The following FAM3C variants were observed in gnomAD, a reference collection of about 807,000 sequenced individuals.
The protein encoded by FAM3C is FAM3 metabolism regulating signaling molecule C, also known as protein FAM3C.
Under a neutral mutation model 32.5 loss-of-function variants are expected in FAM3C, and 15 were observed. The observed-to-expected ratio is 0.46, with a 90% CI of 0.31 to 0.71. The LOEUF (loss-of-function observed/expected upper bound fraction) is 0.71, where lower values mean the gene tolerates loss of function less well. Ranked by LOEUF, FAM3C falls within the 30% of genes least tolerant of loss-of-function variation. The pLI is 0.05. For missense variants in FAM3C, 175 were observed against 274.4 expected (o/e 0.64, Z 2.56); for synonymous variants, 75 against 86.1 (o/e 0.87, Z 0.72).
chr7:121,382,109 A>AGTATGCATTTCTTCTAG (rs1794369044), intron 2 of FAM3C, among the ~76,000 whole-genome samples: 1 of 152,176 alleles, frequency 6.6e-6, no homozygotes, highest in South Asian at 2.1e-4. Flanking sequence ...TTCCATGTAA[A>AGTATGCATTTCTTCTAG]GTATGCATTT....
intron 8 of FAM3C, among the ~76,000 whole-genome samples, chr7:121,359,005 A>G (rs1291321568): frequency 6.6e-6 from 1 of 152,018 alleles, no homozygotes; most frequent in Non-Finnish European, 1.5e-5. Flanking sequence ...CACTTGTGAA[A>G]AAAATCCAAT....
intron 1 of FAM3C, among the ~76,000 whole-genome samples, chr7:121,394,169 A>G (rs1261011977): frequency 6.6e-6 from 1 of 152,218 alleles, no homozygotes; most frequent in African/African-American, 2.4e-5. Context: ...TATTTTTAAG[A>G]GTATAAAAAT....
At chr7:121,381,831 T>C (rs1794363945) in intron 2 of FAM3C, among the ~76,000 whole-genome samples, 1 of 152,216 alleles carries the variant, frequency 6.6e-6, no homozygotes, top group African/African-American at 2.4e-5. Context: ...ATTCAGTTTT[T>C]CAAGTTTCTA....
chr7:121,372,824 A>G (rs1794174387), intron 3 of FAM3C, among the ~76,000 whole-genome samples: 1 of 152,218 alleles, frequency 6.6e-6, no homozygotes, highest in African/African-American at 2.4e-5. Flanking sequence ...ATAAGTATGC[A>G]GTGTGATAAA....
chr7:121,370,490 T>A (rs1232681752), intron 5 of FAM3C, among the ~76,000 whole-genome samples: 1 of 152,178 alleles, frequency 6.6e-6, no homozygotes, highest in African/African-American at 2.4e-5. Context: ...TATTATTTTA[T>A]ATTAAATTTA....
At chr7:121,380,124 A>T (rs1305772350) in intron 2 of FAM3C, 1 of 152,194 alleles carries the variant, frequency 6.6e-6, no homozygotes, top group African/African-American at 2.4e-5. Context: ...TAAGTAGATA[A>T]ATGGTAACAG....
intron 3 of FAM3C, among the ~76,000 whole-genome samples, chr7:121,376,141 C>A (rs1321738990): frequency 6.6e-6 from 1 of 152,200 alleles, no homozygotes; most frequent in East Asian, 1.9e-4. Flanking sequence ...AATAGAAGTA[C>A]ACAGACCAGA....
chr7:121,386,319 G>A (rs1037551161), intron 1 of FAM3C, among the ~76,000 whole-genome samples: 1 of 152,032 alleles, frequency 6.6e-6, no homozygotes, highest in Non-Finnish European at 1.5e-5. Context: ...ACTCAGTGCT[G>A]GACAAATGAC....
At chr7:121,354,900 G>A (rs1793778498) in intron 8 of FAM3C, among the ~76,000 whole-genome samples, 1 of 152,132 alleles carries the variant, frequency 6.6e-6, no homozygotes, top group African/African-American at 2.4e-5. Flanking sequence ...TTCTAAATTA[G>A]TGCTATCATA....
At chr7:121,385,026 A>C (rs1280598880) in intron 1 of FAM3C, among the ~76,000 whole-genome samples, 5 of 152,184 alleles carry the variant, frequency 3.3e-5, no homozygotes, top group Admixed American at 1.3e-4. Flanking sequence ...AACTTAATGG[A>C]AACTTCAGGC....
rs965281851 is a variant in FAM3C at position 121,348,891 on chromosome 7, A to T, written c.*1570T>A. The stretch of plus-strand genomic sequence containing the variant: ...CAAGAGTATTTATTTTCATTATTTT[A>T]AAAAACTGCAACATTTATTTCACAA... On this transcript the variant is annotated 3_prime_UTR_variant, in exon 10 of 10. Transcript: ENST00000359943. 4.9e-4 allele frequency: 75 copies of T among 152,444 alleles called. No individual in the cohort carries two copies. The highest frequency in any genetic ancestry group is 7.9e-4 in the Non-Finnish European group (54 of 67,946). 9.4% of individuals were successfully genotyped at this position (152,444 alleles called of 1,614,324 possible).
intron 3 of FAM3C, 123 bp from the exon 4 acceptor site, chr7:121,372,262 G>T (rs887692486): frequency 2.7e-5 from 16 of 587,188 alleles, no homozygotes; most frequent in Non-Finnish European, 3.7e-5. Flanking sequence ...AATAAAACAT[G>T]AATATCACTT....
At chr7:121,381,691 C>CACACACACAT (rs71170250) in intron 2 of FAM3C, among the ~76,000 whole-genome samples, 3 of 151,396 alleles carry the variant, frequency 2.0e-5, no homozygotes, top group Non-Finnish European at 4.4e-5. Context: ...CACACACACA[C>CACACACACAT]GCATGCAACA....
chr7:121,357,125 T>A (rs1388970318), intron 8 of FAM3C, among the ~76,000 whole-genome samples: 4 of 152,100 alleles, frequency 2.6e-5, no homozygotes, highest in African/African-American at 9.7e-5. Context: ...CTCTGGGAAA[T>A]AATGTGATGG....
intron 5 of FAM3C, 150 bp downstream of exon 5, chr7:121,371,150 T>C: frequency 1.1e-6 from 1 of 903,266 alleles, no homozygotes; most frequent in South Asian, 1.7e-5. Flanking sequence ...GTCCCTTGAA[T>C]TCATGAGAAA....
chr7:121,371,418 T>C lies in FAM3C; in HGVS notation c.154A>G (p.Lys52Glu), dbSNP rs957781500. The C allele has an allele frequency of 3.1e-6, 5 of 1,613,616 alleles. No individual in the cohort carries two copies. The highest frequency in any genetic ancestry group is 2.7e-5 in the African/African-American group (2 of 74,906). ...SALDTAARST[K>E]PPRYKCGISK... ...ATCCCACACTTATATCTGGGAGGCT[T>C]TGTAGCTTTGGGGGAGAAAACATGA... Residue 52 changes from lysine to glutamate, a missense_variant, in exon 5 of 10, where the codon AAG becomes GAG. By Grantham distance (56) the Lys-to-Glu change is moderately conservative (BLOSUM62 1). Transcript: ENST00000359943.
At chr7:121,364,062 G>C (rs1429022279) in intron 6 of FAM3C, 68 bp downstream of exon 6, 6 of 1,010,250 alleles carry the variant, frequency 5.9e-6, no homozygotes, top group Non-Finnish European at 9.5e-6. Context: ...TCCTCTGATA[G>C]TGCATTTTAC....
intron 1 of FAM3C, 128 bp from the exon 2 acceptor site, chr7:121,383,138 G>T: frequency 2.0e-6 from 1 of 504,894 alleles, no homozygotes; most frequent in Non-Finnish European, 3.4e-6. Flanking sequence ...GCCAACATTG[G>T]CATTAAAAAA....
At chr7:121,370,942 T>C (rs1562888034) in intron 5 of FAM3C, among the ~76,000 whole-genome samples, 2 of 152,312 alleles carry the variant, frequency 1.3e-5, no homozygotes, top group South Asian at 4.1e-4. Context: ...GGAACTGAAC[T>C]TTTTAGTTAA....
Sources: allele counts gnomAD v4.1 joint callset (sites outside exome capture counted in the v4.1 genomes callset), GRCh38; gene constraint gnomAD v4.1.1; transcripts MANE v1.5; gene names NCBI Gene and HGNC (gene_info 2026-07-23, HGNC 2026-07-21).